PLD1: variants seen among roughly 807,000 people sequenced by gnomAD.
PLD1 encodes the protein choline phosphatase 1.
PLD1 carries 112 observed loss-of-function variants against 137.1 expected under a neutral mutation model. The ratio of observed to expected loss-of-function variants is 0.82; its 90% CI spans 0.70 to 0.96. The LOEUF (loss-of-function observed/expected upper bound fraction) is 0.96, where lower values mean the gene tolerates loss of function less well. PLD1 is among the 40% of genes least tolerant of loss of function. The pLI, the probability that PLD1 is intolerant of heterozygous loss-of-function variation, is 0.00. For missense variants in PLD1, 1,321 were observed against 1,342.0 expected (o/e 0.98, Z 0.24); for synonymous variants, 431 against 454.7 (o/e 0.95, Z 0.66).
intron 1 of PLD1, among the ~76,000 whole-genome samples, chr3:171,778,572 G>A (rs1382891716): frequency 1.3e-5 from 2 of 152,182 alleles, no homozygotes; most frequent in East Asian, 1.9e-4. Context: ...AGACCTGAAC[G>A]AAGTGAGGTG....
Position 171,672,648 on chromosome 3 carries a change from T to C in PLD1, c.2229+1852A>G, listed in dbSNP as rs534258430. The stretch of plus-strand genomic sequence containing the variant: ...GACCGCAAGCATGTGCCACCATGCC[T>C]GGCTAATTTTTTAAGAACTTTTTGT... On this transcript the variant is annotated intron_variant, in intron 19 of 26. Coordinates refer to ENST00000351298, the MANE Select transcript of PLD1 (RefSeq NM_002662.5). 2.0e-5 allele frequency among the ~76,000 whole-genome samples: 3 copies of C among 152,158 alleles called. No homozygotes were observed. The East Asian group carries it at 5.8e-4, about 29-fold the overall frequency.
At chr3:171,627,238 T>C (rs1410970252) in intron 23 of PLD1, among the ~76,000 whole-genome samples, 3 of 151,862 alleles carry the variant, frequency 2.0e-5, no homozygotes, top group Non-Finnish European at 4.4e-5. Flanking sequence ...GACTGTAAAC[T>C]AACAAAGATC....
At chr3:171,768,470 A>G (rs1189155915) in intron 1 of PLD1, among the ~76,000 whole-genome samples, 1 of 152,246 alleles carries the variant, frequency 6.6e-6, no homozygotes, top group African/African-American at 2.4e-5. Context: ...GTACGCTGCA[A>G]AGATCAAGAC....
chr3:171,676,946 A>G lies in PLD1; in HGVS notation c.1997-113T>C, dbSNP rs191498205. 2.2e-3 allele frequency: 1,415 copies of G among 650,814 alleles called. 7 individuals are homozygous for G. The highest frequency in any genetic ancestry group is 5.5e-3 in the South Asian group (286 of 52,390). The allele number at this position is 650,814 out of a possible 1,614,324, so 40.3% of individuals were successfully genotyped here. ...ACGTGGGTTAGTGCCCACTAGGTAT[A>G]TATTTCTTGGCTTGCATAGAACAAC... On this transcript the variant is annotated intron_variant, in intron 17 of 26. Transcript: ENST00000351298.
chr3:171,672,911 T>C (rs1038593692), intron 19 of PLD1, among the ~76,000 whole-genome samples: 6 of 152,234 alleles, frequency 3.9e-5, no homozygotes, highest in Non-Finnish European at 8.8e-5. Flanking sequence ...TTACCAACAG[T>C]GAAGTGGAAA....
chr3:171,657,401 T>C (rs1737305962), intron 21 of PLD1, among the ~76,000 whole-genome samples: 1 of 152,208 alleles, frequency 6.6e-6, no homozygotes, highest in African/African-American at 2.4e-5. Flanking sequence ...CATATGCACT[T>C]ATTCTTCACT....
At chr3:171,783,014 T>A (rs1722852280) in intron 1 of PLD1, among the ~76,000 whole-genome samples, 1 of 152,024 alleles carries the variant, frequency 6.6e-6, no homozygotes, top group Admixed American at 6.6e-5. Context: ...GGACAGATGA[T>A]GGATGGATGC....
intron 1 of PLD1, among the ~76,000 whole-genome samples, chr3:171,785,758 A>G (rs1350927294): frequency 2.0e-5 from 3 of 152,200 alleles, no homozygotes; most frequent in African/African-American, 4.8e-5. Context: ...TTTTACACTT[A>G]GAGCACATTT....
intron 21 of PLD1, among the ~76,000 whole-genome samples, chr3:171,646,246 A>C (rs540414656): frequency 2.0e-5 from 3 of 152,366 alleles, no homozygotes; most frequent in East Asian, 3.9e-4. Context: ...CGGGAGGACT[A>C]TATTCACACA....
chr3:171,734,008 G>C (rs982668406), intron 5 of PLD1, among the ~76,000 whole-genome samples: 1 of 152,194 alleles, frequency 6.6e-6, no homozygotes, highest in Non-Finnish European at 1.5e-5. Flanking sequence ...CAGGGGAGTA[G>C]AGGGATATAG....
intron 19 of PLD1, among the ~76,000 whole-genome samples, chr3:171,662,614 C>T (rs181791171): frequency 6.6e-6 from 1 of 152,308 alleles, no homozygotes; most frequent in East Asian, 1.9e-4. Context: ...CCCATCTTTA[C>T]TCTTAAAAGG....
chr3:171,753,298 G>A (rs1720787514), intron 1 of PLD1, among the ~76,000 whole-genome samples: 1 of 152,210 alleles, frequency 6.6e-6, no homozygotes, highest in South Asian at 2.1e-4. Flanking sequence ...ACATTCCCAA[G>A]GGTCAGAAGC....
chr3:171,660,331 A>G (rs1560189999), intron 20 of PLD1, among the ~76,000 whole-genome samples: 1 of 152,196 alleles, frequency 6.6e-6, no homozygotes, highest in Non-Finnish European at 1.5e-5. Context: ...GCATCAGACA[A>G]TCAAAATCTC....
intron 8 of PLD1, 151 bp downstream of exon 8, chr3:171,724,545 A>G: frequency 3.4e-6 from 2 of 593,128 alleles, no homozygotes; most frequent in Non-Finnish European, 6.0e-6. Flanking sequence ...GAATATTTAA[A>G]TGGATGCTGG....
At chr3:171,660,615 A>G (rs970562314) in intron 20 of PLD1, among the ~76,000 whole-genome samples, 2 of 151,428 alleles carry the variant, frequency 1.3e-5, no homozygotes, top group East Asian at 3.9e-4. Flanking sequence ...TATTTTTTTT[A>G]TTTTTTTGAG....
rs9871708 is a variant in PLD1 at position 171,692,736 on chromosome 3, G to C, written c.1228-294C>G. ...GGATTTCGCCATGTTGGCCAGGCTGGTCTCAAATTCCTGACCTCAAGTGAT... is the reference window on the plus strand; with the variant it reads ...GGATTTCGCCATGTTGGCCAGGCTGCTCTCAAATTCCTGACCTCAAGTGAT... On this transcript the variant is annotated intron_variant, in intron 12 of 26. Coordinates refer to ENST00000351298, the MANE Select transcript of PLD1 (RefSeq NM_002662.5). Among the ~76,000 whole-genome samples the C allele has an allele frequency of 0.06, 9,050 of 152,000 alleles. 843 individuals carry two copies. Among genetic ancestry groups the C allele is most frequent in the African/African-American group, 0.2 (8,321 of 41,400 alleles).
intron 1 of PLD1, among the ~76,000 whole-genome samples, chr3:171,768,531 A>G (rs973956822): frequency 6.6e-6 from 1 of 152,224 alleles, no homozygotes; most frequent in African/African-American, 2.4e-5. Context: ...GAAGAACGGA[A>G]CTGGTCCATC....
intron 21 of PLD1, among the ~76,000 whole-genome samples, chr3:171,650,813 G>C (rs1736669250): frequency 6.6e-6 from 1 of 152,094 alleles, no homozygotes; most frequent in Admixed American, 6.5e-5. Flanking sequence ...CAGGAGAATG[G>C]CGTGAACCCG....
chr3:171,686,624 A>T, intron 16 of PLD1, 61 bp downstream of exon 16: 5 of 844,296 alleles, frequency 5.9e-6, no homozygotes, highest in Non-Finnish European at 9.7e-6. Flanking sequence ...ATGCCCATGC[A>T]GCAGACAACA....
Sources: allele counts gnomAD v4.1 joint callset (sites outside exome capture counted in the v4.1 genomes callset), GRCh38; gene constraint gnomAD v4.1.1; transcripts MANE v1.5; gene names NCBI Gene and HGNC (gene_info 2026-07-23, HGNC 2026-07-21).